COG6: variants seen among roughly 807,000 people sequenced by gnomAD.
COG6 encodes component of oligomeric golgi complex 6, also known as conserved oligomeric Golgi complex subunit 6.
Under a neutral mutation model 88.8 loss-of-function variants are expected in COG6, and 74 were observed. The ratio of observed to expected loss-of-function variants is 0.83; its 90% CI spans 0.69 to 1.01. The LOEUF (loss-of-function observed/expected upper bound fraction) is 1.01, where lower values mean the gene tolerates loss of function less well. Ranked by LOEUF, COG6 falls within the 50% of genes least tolerant of loss-of-function variation. COG6 has a pLI of 0.00. For synonymous variants in COG6, 286 were observed against 278.7 expected (o/e 1.03, Z -0.26); for missense variants, 800 against 797.9 (o/e 1.00, Z -0.03).
chr13:39,655,669 C>T lies in COG6; in HGVS notation c.-58C>T. 6.5e-7 allele frequency: 1 copy of T among 1,543,886 alleles called. No homozygotes were observed. The highest frequency in any genetic ancestry group is 8.8e-7 in the Non-Finnish European group (1 of 1,140,510). The stretch of plus-strand genomic sequence containing the variant: ...GATTTGCACATGCGCAATACTCGCG[C>T]TGCCTCCGTGGTCCCTGCCTGGCTG... On this transcript the variant is annotated 5_prime_UTR_variant, in exon 1 of 19. Transcript: ENST00000455146.
At chr13:39,704,937 T>C (rs1593438333) in intron 13 of COG6, among the ~76,000 whole-genome samples, 1 of 152,272 alleles carries the variant, frequency 6.6e-6, no homozygotes, top group East Asian at 1.9e-4. Context: ...CGTGTTATGA[T>C]TCTCTTTACA....
intron 18 of COG6, among the ~76,000 whole-genome samples, chr13:39,738,298 G>A (rs1298794494): frequency 6.6e-6 from 1 of 152,110 alleles, no homozygotes; most frequent in Non-Finnish European, 1.5e-5. Flanking sequence ...TGCAGTGGGA[G>A]GGAAGTGGAA....
At chr13:39,681,797 C>T (rs897487502) in intron 7 of COG6, among the ~76,000 whole-genome samples, 2 of 152,170 alleles carry the variant, frequency 1.3e-5, no homozygotes, top group East Asian at 1.9e-4. Context: ...TGCTTCCCAG[C>T]GAAGGAACTG....
At chr13:39,777,828 T>G (rs939478390) in intron 18 of COG6, among the ~76,000 whole-genome samples, 5 of 152,138 alleles carry the variant, frequency 3.3e-5, no homozygotes, top group Non-Finnish European at 7.4e-5. Context: ...CTGCGGCCAG[T>G]GGGGTTATGT....
chr13:39,676,504 C>T (rs938385245), intron 4 of COG6, among the ~76,000 whole-genome samples: 2 of 152,056 alleles, frequency 1.3e-5, no homozygotes, highest in Non-Finnish European at 2.9e-5. Context: ...TTGCTGCCAC[C>T]TGGAGGATTT....
chr13:39,708,351 C>A (rs1018291462), intron 13 of COG6, among the ~76,000 whole-genome samples: 1 of 152,160 alleles, frequency 6.6e-6, no homozygotes, highest in Non-Finnish European at 1.5e-5. Context: ...CTCTCTTAGT[C>A]ATGTATTAGA....
chr13:39,688,599 T>C (rs977730628), intron 10 of COG6, among the ~76,000 whole-genome samples: 2 of 151,970 alleles, frequency 1.3e-5, no homozygotes, highest in East Asian at 3.9e-4. Flanking sequence ...CCCAAACATC[T>C]CCCACAGGCC....
chr13:39,659,135 A>G lies in COG6; in HGVS notation c.154-229A>G, dbSNP rs759633342. On this transcript the variant is annotated intron_variant, in intron 1 of 18. Coordinates refer to ENST00000455146, the MANE Select transcript of COG6 (RefSeq NM_020751.3). ...TTATTTCTAGTCTTTGCAATTCCCA[A>G]CAATTCTGCAGTGAATAATCTTGTA... is the stretch of plus-strand genomic sequence containing the variant. Among the ~76,000 whole-genome samples, 6 of 152,164 alleles carry G rather than the reference A, an allele frequency of 3.9e-5. No homozygotes were observed. In the South Asian group the frequency reaches 6.2e-4, roughly 16 times the overall value.
chr13:39,724,473 C>G (rs767461821), intron 16 of COG6, 35 bp from the exon 17 acceptor site: 1 of 1,416,386 alleles, frequency 7.1e-7, no homozygotes, highest in Non-Finnish European at 9.7e-7. Flanking sequence ...TTTTTTACAT[C>G]TTGGATCTGC....
At chr13:39,678,184 A>C (rs1362586741) in intron 5 of COG6, 1 of 363,552 alleles carries the variant, frequency 2.8e-6, no homozygotes, top group Admixed American at 3.5e-5. Flanking sequence ...CTCTCATCTC[A>C]GCCTCCCAGG....
intron 8 of COG6, among the ~76,000 whole-genome samples, chr13:39,686,674 G>A (rs1321631756): frequency 6.6e-6 from 1 of 152,180 alleles, no homozygotes; most frequent in Middle Eastern, 3.2e-3. Context: ...GTGATAGTAT[G>A]TGTAAAGAAG....
At chr13:39,656,063 A>C in intron 1 of COG6, 184 bp downstream of exon 1, 1 of 771,724 alleles carries the variant, frequency 1.3e-6, no homozygotes, top group Non-Finnish European at 2.3e-6. Flanking sequence ...GGGGAGCCCC[A>C]GCAACCTCCG....
chr13:39,734,493 T>G (rs1309328190), intron 18 of COG6, among the ~76,000 whole-genome samples: 1 of 152,162 alleles, frequency 6.6e-6, no homozygotes, highest in African/African-American at 2.4e-5. Flanking sequence ...TTAAAAAAAT[T>G]TTATGGACTT....
chr13:39,670,564 A>G (rs1291872333), intron 4 of COG6, among the ~76,000 whole-genome samples: 1 of 152,070 alleles, frequency 6.6e-6, no homozygotes, highest in Non-Finnish European at 1.5e-5. Context: ...AGGGGAAAAT[A>G]TCTATGTCAT....
chr13:39,729,645 CAAAAAATGCA>C (rs1879328606), intron 18 of COG6, among the ~76,000 whole-genome samples: 1 of 151,972 alleles, frequency 6.6e-6, no homozygotes, highest in African/African-American at 2.4e-5. Context: ...TAGTAATTAT[CAAAAAATGCA>C]AACTGAAACA....
Position 39,687,733 on chromosome 13 carries a change from C to G in COG6, c.943C>G (p.Leu315Val). Residue 315 changes from leucine to valine, a missense_variant, in exon 10 of 19, where the codon CTC becomes GTC. Transcript: ENST00000455146. ...GTATGTAGGAGATATGTTGGCTTGG[C>G]TCCATCAAGCTACTGCTTCTGAAAA... ...LRYVGDMLAW[L>V]HQATASEKEH... 6.2e-7 allele frequency: 1 copy of G among 1,613,984 alleles called. No homozygotes were observed. Among genetic ancestry groups the G allele is most frequent in the Non-Finnish European group, 8.5e-7 (1 of 1,179,914 alleles).
At position 39,687,786 on chromosome 13, in the gene COG6, T is replaced by A; in HGVS notation, c.996T>A (p.His332Gln). The A allele has an allele frequency of 6.2e-7, 1 of 1,612,968 alleles. No individual in the cohort carries two copies. The highest frequency in any genetic ancestry group is 8.5e-7 in the Non-Finnish European group (1 of 1,178,998). The stretch of plus-strand genomic sequence containing the variant: ...AACACCTTGAAGCTCTCTTAAAGCA[T>A]GTAACTACACAAGGTGGGTCCACCA... The part of the protein sequence containing the change: ...EKEHLEALLK[H>Q]VTTQGVEENI... The change falls in exon 10 of 19, where the codon CAT becomes CAA. Residue 332 changes from histidine (H) to glutamine (Q), a missense_variant. Physicochemically the swap from His to Gln is conservative, Grantham distance 24 (BLOSUM62 0). Transcript: ENST00000455146.
intron 18 of COG6, among the ~76,000 whole-genome samples, chr13:39,761,136 T>C (rs953901811): frequency 6.6e-6 from 1 of 152,056 alleles, no homozygotes; most frequent in African/African-American, 2.4e-5. Flanking sequence ...TTAATCCAAA[T>C]CACAGCATGT....
At chr13:39,691,284 C>T (rs989217766) in intron 11 of COG6, among the ~76,000 whole-genome samples, 2 of 151,772 alleles carry the variant, frequency 1.3e-5, no homozygotes, top group Non-Finnish European at 2.9e-5. Context: ...TGTATAAAGA[C>T]TTTATATACT....
Sources: gnomAD v4.1 joint callset for allele counts (sites outside exome capture counted in the v4.1 genomes callset) on GRCh38, gnomAD v4.1.1 for gene constraint, MANE v1.5 for transcripts, NCBI Gene and HGNC (gene_info 2026-07-23, HGNC 2026-07-21) for gene names.